The following WLS variants were observed in gnomAD, a reference collection of about 807,000 sequenced individuals.
The protein encoded by WLS is Wnt ligand secretion mediator.
In WLS, 23 loss-of-function variants were observed where a neutral mutation model predicts 62.8. The ratio of observed to expected loss-of-function variants is 0.37; its 90% CI spans 0.26 to 0.52. The LOEUF is 0.52. Among genes scored for constraint, WLS ranks in the 20% least tolerant of loss-of-function variants. The probability of loss-of-function intolerance (pLI) is 0.92; values close to 1 mark genes in which losing one functional copy is unlikely to be tolerated. For synonymous variants in WLS, 246 were observed against 244.1 expected, an observed-to-expected ratio of 1.01 and a Z score of -0.07; for missense variants, 615 against 697.3, an observed-to-expected ratio of 0.88 and a Z score of 1.33.
intron 11 of WLS, 50 bp from the exon 12 acceptor site, chr1:68,126,385 A>T (rs779879836): frequency 4.4e-6 from 7 of 1,609,100 alleles, no homozygotes; most frequent in South Asian, 1.1e-5. Flanking sequence ...AAGGAGAAGC[A>T]AGCTGGGGTT....
chr1:68,231,608 G>T (rs1650423455), intron 1 of WLS: 1 of 400,120 alleles, frequency 2.5e-6, no homozygotes, highest in Non-Finnish European at 5.1e-6. Context: ...CAGAGCGTGG[G>T]GTGGAGTGCG....
intron 11 of WLS, among the ~76,000 whole-genome samples, chr1:68,108,643 AT>A (rs1005870856): frequency 1.8e-4 from 27 of 152,194 alleles, no homozygotes; most frequent in African/African-American, 6.0e-4. Flanking sequence ...TTCTTTTGAG[AT>A]TTTTTTTCAC....
At chr1:68,124,368 C>A (rs1291956596), downstream of WLS, among the ~76,000 whole-genome samples, 2 of 152,302 alleles carry the variant, frequency 1.3e-5, no homozygotes, top group African/African-American at 2.4e-5. Flanking sequence ...TCTGCTATTT[C>A]CATTCCTATG....
In WLS at chr1:68,161,908, G is replaced by A. The variant is rs201633662; in HGVS notation, c.380-2661C>T. 4 of 1,610,270 alleles carry A rather than the reference G, an allele frequency of 2.5e-6. No homozygotes were observed. In the African/African-American group the frequency reaches 4.0e-5, roughly 16 times the overall value. On this transcript the variant is annotated intron_variant, in intron 2 of 11. Coordinates refer to ENST00000262348, the MANE Select transcript of WLS (RefSeq NM_024911.7). The stretch of plus-strand genomic sequence containing the variant: ...CACGGCTGCAGGAAGTCCTCCTGGA[G>A]CCACGCCCACGATGCCTGGCGGATA...
intron 2 of WLS, among the ~76,000 whole-genome samples, chr1:68,167,027 C>T (rs2100527102): frequency 6.6e-6 from 1 of 152,292 alleles, no homozygotes; most frequent in Non-Finnish European, 1.5e-5. Context: ...CACCCCCAGA[C>T]AGATAGCACA....
chr1:68,155,002 C>A, intron 4 of WLS, 97 bp downstream of exon 4: 1 of 1,291,100 alleles, frequency 7.7e-7, no homozygotes, highest in Non-Finnish European at 1.1e-6. Flanking sequence ...TGTTATTATT[C>A]CCATTTCTCA....
In WLS at chr1:68,157,273, G is replaced by T. The variant is rs1646911447; in HGVS notation, c.504+1850C>A. 2.0e-5 allele frequency among the ~76,000 whole-genome samples: 3 copies of T among 152,180 alleles called. No homozygotes were observed. The South Asian group carries it at 6.2e-4, about 31-fold the overall frequency. On this transcript the variant is annotated intron_variant, in intron 3 of 11. Transcript: ENST00000262348. The stretch of plus-strand genomic sequence containing the variant: ...TTCTAATCCCCCACGATGGGTCTCT[G>T]GGTGCCCCACACTTCCCTGTCACTA...
At chr1:68,151,216 G>A (rs939188659) in intron 5 of WLS, among the ~76,000 whole-genome samples, 1 of 152,132 alleles carries the variant, frequency 6.6e-6, no homozygotes, top group Non-Finnish European at 1.5e-5. Flanking sequence ...TGGAGGAGAG[G>A]GCAGAGCCTG....
intron 1 of WLS, among the ~76,000 whole-genome samples, chr1:68,230,354 C>T (rs1650349040): frequency 6.6e-6 from 1 of 151,996 alleles, no homozygotes; most frequent in Non-Finnish European, 1.5e-5. Context: ...TTATGGTCTG[C>T]CACTGAAATC....
intron 2 of WLS, among the ~76,000 whole-genome samples, chr1:68,188,029 T>C (rs1426299114): frequency 6.6e-6 from 1 of 152,172 alleles, no homozygotes; most frequent in Admixed American, 6.5e-5. Context: ...TCACCTTCAG[T>C]GATGTAAAAG....
intron 3 of WLS, 59 bp downstream of exon 3, chr1:68,159,064 C>A: frequency 1.9e-6 from 3 of 1,604,022 alleles, no homozygotes; most frequent in South Asian, 2.2e-5. Context: ...GTAAGCAAAT[C>A]TTTCCACATA....
At chr1:68,199,381 T>A (rs777312538) in intron 1 of WLS, among the ~76,000 whole-genome samples, 7 of 152,066 alleles carry the variant, frequency 4.6e-5, no homozygotes, top group Non-Finnish European at 1.0e-4. Context: ...ATGCTCCAGT[T>A]GTAAAAAGAG....
intron 2 of WLS, among the ~76,000 whole-genome samples, chr1:68,188,152 G>C (rs544281754): frequency 8.5e-5 from 13 of 152,298 alleles, no homozygotes; most frequent in African/African-American, 2.6e-4. Flanking sequence ...CATGTAACAG[G>C]CTGCTCGAAA....
chr1:68,216,423 G>A (rs1649730041), intron 1 of WLS, among the ~76,000 whole-genome samples: 1 of 152,220 alleles, frequency 6.6e-6, no homozygotes, highest in South Asian at 2.1e-4. Flanking sequence ...CTATACAAAT[G>A]TGAGGTATCA....
At chr1:68,104,731 T>C (rs1055748225) in intron 11 of WLS, among the ~76,000 whole-genome samples, 11 of 152,112 alleles carry the variant, frequency 7.2e-5, no homozygotes, top group Non-Finnish European at 1.0e-4. Context: ...CAGGGAAACA[T>C]AGGGAGACCT....
chr1:68,168,131 T>G (rs1238114822), intron 2 of WLS, among the ~76,000 whole-genome samples: 1 of 151,976 alleles, frequency 6.6e-6, no homozygotes, highest in Non-Finnish European at 1.5e-5. Context: ...TAGAAATCGC[T>G]AGGAAAGAGG....
At chr1:68,135,305 CTTTTTTTTTTTTTTTT>C (rs71581156) in intron 11 of WLS, among the ~76,000 whole-genome samples, 4 of 66,762 alleles carry the variant, frequency 6.0e-5, no homozygotes, top group African/African-American at 2.5e-4. Flanking sequence ...CCATGCCTGG[CTTTTTTTTTTTTTTTT>C]TTTTTTTTTG....
intron 1 of WLS, among the ~76,000 whole-genome samples, chr1:68,224,186 G>A (rs1650046008): frequency 6.6e-6 from 1 of 152,166 alleles, no homozygotes; most frequent in Non-Finnish European, 1.5e-5. Flanking sequence ...GCCACATTAT[G>A]AGAATGGAGT....
At chr1:68,146,063 C>G (rs1180773429) in intron 8 of WLS, 51 bp from the exon 9 acceptor site, 1 of 1,601,342 alleles carries the variant, frequency 6.2e-7, no homozygotes, top group South Asian at 1.1e-5. Context: ...CCAAGTTGAG[C>G]CGGGTCCAGG....
Sources: gnomAD v4.1 joint callset for allele counts (sites outside exome capture counted in the v4.1 genomes callset) on GRCh38, gnomAD v4.1.1 for gene constraint, MANE v1.5 for transcripts, NCBI Gene and HGNC (gene_info 2026-07-23, HGNC 2026-07-21) for gene names.